The following DIAPH3 variants were observed in gnomAD, a reference collection of about 807,000 sequenced individuals.
DIAPH3 encodes the protein protein diaphanous homolog 3.
DIAPH3 carries 117 observed loss-of-function variants against 144.3 expected under a neutral mutation model. The observed-to-expected ratio is 0.81, with a 90% CI of 0.70 to 0.95. The LOEUF (loss-of-function observed/expected upper bound fraction) is 0.95. Among genes scored for constraint, DIAPH3 ranks in the 40% least tolerant of loss-of-function variants. The probability of loss-of-function intolerance (pLI) is 0.00; values close to 1 mark genes in which losing one functional copy is unlikely to be tolerated. For synonymous variants in DIAPH3, 519 were observed against 488.9 expected (o/e 1.06, Z -0.81); for missense variants, 1,421 against 1,412.7 (o/e 1.01, Z -0.09).
chr13:59,724,709 G>A (rs772779420), intron 27 of DIAPH3, among the ~76,000 whole-genome samples: 6 of 152,146 alleles, frequency 3.9e-5, no homozygotes, highest in African/African-American at 9.7e-5. Flanking sequence ...CAAATGAGCT[G>A]GCTTTCCTTT....
intron 24 of DIAPH3, among the ~76,000 whole-genome samples, chr13:59,822,448 AT>A (rs898418277): frequency 2.0e-5 from 3 of 150,526 alleles, no homozygotes; most frequent in African/African-American, 2.4e-5. Context: ...TTATTTATTT[AT>A]TTTTTTTTGT....
chr13:59,815,708 AGCCTCCCAAT>A (rs2040733129), intron 24 of DIAPH3, among the ~76,000 whole-genome samples: 1 of 152,146 alleles, frequency 6.6e-6, no homozygotes, highest in South Asian at 2.1e-4. Context: ...CTCTCACCGT[AGCCTCCCAAT>A]GCGCTGGGAT....
At chr13:59,676,655 TTAG>T (rs2032658637) in intron 27 of DIAPH3, among the ~76,000 whole-genome samples, 1 of 152,192 alleles carries the variant, frequency 6.6e-6, no homozygotes, top group South Asian at 2.1e-4. Flanking sequence ...CAATATTCAC[TTAG>T]TAGTTCAAAA....
intron 25 of DIAPH3, among the ~76,000 whole-genome samples, chr13:59,802,699 G>T: frequency 3.2e-5 from 1 of 31,458 alleles, no homozygotes; most frequent in South Asian, 1.4e-3. Flanking sequence ...TTTTGAGACA[G>T]AGTCTCGCTC....
intron 27 of DIAPH3, among the ~76,000 whole-genome samples, chr13:59,742,404 T>C (rs2036501268): frequency 6.6e-6 from 1 of 152,256 alleles, no homozygotes; most frequent in East Asian, 1.9e-4. Flanking sequence ...GGAGAATTTA[T>C]GAAGGCCTGT....
chr13:59,734,644 A>G (rs1566238110), intron 27 of DIAPH3, among the ~76,000 whole-genome samples: 1 of 152,176 alleles, frequency 6.6e-6, no homozygotes, highest in Non-Finnish European at 1.5e-5. Flanking sequence ...GTGATTGATA[A>G]CAAAACCTGT....
intron 21 of DIAPH3, among the ~76,000 whole-genome samples, chr13:59,866,121 G>A (rs146085931): frequency 6.6e-5 from 10 of 151,938 alleles, no homozygotes; most frequent in Non-Finnish European, 1.2e-4. Flanking sequence ...TACAACCTGT[G>A]AATAATATTA....
chr13:60,100,568 A>G (rs1566771862), intron 3 of DIAPH3, among the ~76,000 whole-genome samples: 3 of 152,146 alleles, frequency 2.0e-5, no homozygotes, highest in Non-Finnish European at 2.9e-5. Flanking sequence ...CTTAGTTTTA[A>G]TAATTGTACT....
At chr13:59,719,515 A>G (rs1346321388) in intron 27 of DIAPH3, among the ~76,000 whole-genome samples, 1 of 152,098 alleles carries the variant, frequency 6.6e-6, no homozygotes, top group Non-Finnish European at 1.5e-5. Context: ...TGGTGGTGAC[A>G]TTCCATTAGG....
At chr13:60,006,090 C>T (rs975841295) in intron 9 of DIAPH3, among the ~76,000 whole-genome samples, 7 of 152,086 alleles carry the variant, frequency 4.6e-5, no homozygotes, top group Non-Finnish European at 1.0e-4. Flanking sequence ...AATTTACCCC[C>T]TAAATTTTTT....
At chr13:59,815,522 T>A (rs2040722419) in intron 24 of DIAPH3, among the ~76,000 whole-genome samples, 1 of 152,180 alleles carries the variant, frequency 6.6e-6, no homozygotes, top group Admixed American at 6.5e-5. Context: ...GTCTTGGACA[T>A]TTTTGTTAGA....
At position 59,800,475 on chromosome 13, in the gene DIAPH3, A is replaced by G. The variant is rs1165732113; in HGVS notation, c.3163+10313T>C. Among the ~76,000 whole-genome samples, 3 of 152,222 alleles carry G rather than the reference A, an allele frequency of 2.0e-5. No homozygotes were observed. In the East Asian group the frequency reaches 5.8e-4, roughly 29 times the overall value. On this transcript the variant is annotated intron_variant, in intron 25 of 27. Transcript: ENST00000400324. The stretch of plus-strand genomic sequence containing the variant: ...GTAGCAATTCTGAACAAAGCTTGAC[A>G]TCATTTGGGTTCTTCTAATATTTTC...
chr13:59,834,679 G>A (rs1186468981), intron 23 of DIAPH3, among the ~76,000 whole-genome samples: 1 of 151,718 alleles, frequency 6.6e-6, no homozygotes, highest in East Asian at 1.9e-4. Flanking sequence ...AAATGCAAAT[G>A]TAGTTAGCTG....
chr13:60,015,666 T>G (rs2053591832), intron 7 of DIAPH3, among the ~76,000 whole-genome samples: 1 of 150,952 alleles, frequency 6.6e-6, no homozygotes, highest in African/African-American at 2.4e-5. Context: ...TGGGCAGGGT[T>G]GAGAGGGAGG....
chr13:59,977,259 A>T (rs1345447684), intron 14 of DIAPH3, among the ~76,000 whole-genome samples: 1 of 151,792 alleles, frequency 6.6e-6, no homozygotes, highest in Admixed American at 6.6e-5. Flanking sequence ...AAGCTGGGGA[A>T]TGATTCCTGG....
chr13:59,717,853 C>CAA (rs201395786), intron 27 of DIAPH3, among the ~76,000 whole-genome samples: 4 of 147,232 alleles, frequency 2.7e-5, no homozygotes, highest in East Asian at 2.0e-4. Context: ...CCAAACCAAA[C>CAA]AAAAAAAAAC....
chr13:59,989,589 A>G (rs545672495), intron 12 of DIAPH3, among the ~76,000 whole-genome samples: 1 of 152,000 alleles, frequency 6.6e-6, no homozygotes, highest in South Asian at 2.1e-4. Flanking sequence ...CATCAAATGT[A>G]AAAGTTCATA....
chr13:59,892,070 C>T (rs571819946), intron 20 of DIAPH3, among the ~76,000 whole-genome samples: 5 of 151,464 alleles, frequency 3.3e-5, no homozygotes, highest in Non-Finnish European at 5.9e-5. Context: ...ATGGAATATA[C>T]CATAAGTAAG....
intron 22 of DIAPH3, among the ~76,000 whole-genome samples, chr13:59,840,284 T>C (rs2042268419): frequency 1.3e-5 from 2 of 152,210 alleles, no homozygotes; most frequent in Non-Finnish European, 2.9e-5. Flanking sequence ...ATGTGAACTA[T>C]ATAAAATGAT....
Sources: allele counts gnomAD v4.1 joint callset (sites outside exome capture counted in the v4.1 genomes callset), GRCh38; gene constraint gnomAD v4.1.1; transcripts MANE v1.5; gene names NCBI Gene and HGNC (gene_info 2026-07-23, HGNC 2026-07-21).